The following OCA2 variants were observed in gnomAD, a reference collection of about 807,000 sequenced individuals.
OCA2 encodes the protein OCA2 melanosomal transmembrane protein.
In OCA2, 77 loss-of-function variants were observed where a neutral mutation model predicts 100.2. The observed-to-expected ratio is 0.77, with a 90% CI of 0.64 to 0.93. The LOEUF (loss-of-function observed/expected upper bound fraction) is 0.93. Ranked by LOEUF, OCA2 falls within the 40% of genes least tolerant of loss-of-function variation. OCA2 has a pLI of 0.00. For synonymous variants in OCA2, 432 were observed against 439.2 expected (o/e 0.98, Z 0.21); for missense variants, 1,062 against 1,089.1 (o/e 0.98, Z 0.35).
chr15:28,029,944 G>A (rs889227977), intron 3 of OCA2, among the ~76,000 whole-genome samples: 2 of 152,150 alleles, frequency 1.3e-5, no homozygotes, highest in Admixed American at 6.5e-5. Context: ...GGCCCAGCTC[G>A]GCCTCCCAGG....
rs202105049 is a variant in OCA2 at position 27,845,334 on chromosome 15, C to T, written c.2339-282G>A. Among the ~76,000 whole-genome samples the T allele has an allele frequency of 1.2e-4, 18 of 152,232 alleles. No individual in the cohort carries two copies. The East Asian group carries it at 3.1e-3, about 26-fold the overall frequency. On this transcript the variant is annotated intron_variant, in intron 22 of 23. Transcript: ENST00000354638. ...GGAGAATGGGCAAGTCACTGTGGGG[C>T]TGTGTGTCTTTCAGAGAAAAACACA...
intron 23 of OCA2, among the ~76,000 whole-genome samples, chr15:27,839,116 G>A (rs1203367059): frequency 1.3e-5 from 2 of 152,112 alleles, no homozygotes; most frequent in Non-Finnish European, 2.9e-5. Context: ...TGGTCATTTA[G>A]GCAAGAGGTA....
chr15:27,787,790 CT>C (rs2032888093), intron 23 of OCA2, among the ~76,000 whole-genome samples: 1 of 151,656 alleles, frequency 6.6e-6, no homozygotes, highest in Non-Finnish European at 1.5e-5. Context: ...GTTTGCTCTT[CT>C]TTTTGTACTT....
chr15:28,035,056 A>G (rs76895369), intron 2 of OCA2, among the ~76,000 whole-genome samples: 54 of 152,204 alleles, frequency 3.5e-4, no homozygotes, highest in African/African-American at 1.2e-3. Context: ...GCAGCACCAC[A>G]TCGCACAATG....
chr15:28,022,203 C>CG (rs1048124324), intron 6 of OCA2, among the ~76,000 whole-genome samples: 7 of 151,810 alleles, frequency 4.6e-5, no homozygotes, highest in Admixed American at 1.3e-4. Flanking sequence ...GCAAAAGAGA[C>CG]GGGGGAGGAA....
chr15:28,069,389 T>TCC (rs1566862447), intron 2 of OCA2, among the ~76,000 whole-genome samples: 1 of 5,640 alleles, frequency 1.8e-4, no homozygotes, highest in Admixed American at 1.8e-3. Flanking sequence ...TCCCTCCCCC[T>TCC]CCCCCTCCCC....
chr15:28,083,234 C>G (rs2044708456), intron 1 of OCA2, among the ~76,000 whole-genome samples: 1 of 152,226 alleles, frequency 6.6e-6, no homozygotes, highest in Non-Finnish European at 1.5e-5. Flanking sequence ...CGTGTGATGG[C>G]TACAGCTGAG....
At chr15:27,835,360 C>T (rs549699837) in intron 23 of OCA2, among the ~76,000 whole-genome samples, 33 of 152,322 alleles carry the variant, frequency 2.2e-4, no homozygotes, top group Non-Finnish European at 4.6e-4. Flanking sequence ...TCCCCTGTTT[C>T]TAGGGCCTGT....
intron 19 of OCA2, among the ~76,000 whole-genome samples, chr15:27,881,272 T>C (rs1172440973): frequency 2.0e-5 from 3 of 152,308 alleles, no homozygotes; most frequent in East Asian, 1.9e-4. Flanking sequence ...CTGTATTTTA[T>C]TGAGGATTTT....
chr15:28,046,527 CGCATCAT>C (rs746718435), intron 2 of OCA2, among the ~76,000 whole-genome samples: 4 of 152,132 alleles, frequency 2.6e-5, no homozygotes, highest in Non-Finnish European at 4.4e-5. Context: ...GAGCCCCAGT[CGCATCAT>C]GCTCCATCTC....
chr15:27,918,350 G>A (rs901701359), intron 19 of OCA2, among the ~76,000 whole-genome samples: 1 of 152,040 alleles, frequency 6.6e-6, no homozygotes, highest in Non-Finnish European at 1.5e-5. Flanking sequence ...GATTACAGGC[G>A]AGAGCCACTG....
intron 18 of OCA2, among the ~76,000 whole-genome samples, chr15:27,937,892 G>C (rs969067339): frequency 6.6e-6 from 1 of 152,086 alleles, no homozygotes; most frequent in Non-Finnish European, 1.5e-5. Context: ...AGTACACTTT[G>C]AGACATAAGT....
At chr15:27,763,600 C>T (rs900934245) in intron 23 of OCA2, among the ~76,000 whole-genome samples, 38 of 152,336 alleles carry the variant, frequency 2.5e-4, no homozygotes, top group African/African-American at 6.0e-4. Flanking sequence ...TGAGTGGTTG[C>T]GATGCCGGTG....
chr15:27,752,412 T>C (rs2030095455), downstream of OCA2, among the ~76,000 whole-genome samples: 1 of 152,192 alleles, frequency 6.6e-6, no homozygotes, highest in Non-Finnish European at 1.5e-5. Context: ...GTAGACAGCG[T>C]CAGGAGGGAG....
intron 19 of OCA2, among the ~76,000 whole-genome samples, chr15:27,906,282 A>T (rs1204096448): frequency 6.6e-6 from 1 of 152,226 alleles, no homozygotes; most frequent in Non-Finnish European, 1.5e-5. Flanking sequence ...AAAATATCAC[A>T]TGTCCCCCAT....
At chr15:27,807,648 G>A (rs1818463812) in intron 23 of OCA2, among the ~76,000 whole-genome samples, 1 of 152,120 alleles carries the variant, frequency 6.6e-6, no homozygotes, top group Non-Finnish European at 1.5e-5. Context: ...AGGTTGCACA[G>A]CTGTGGATTT....
chr15:27,993,463 C>A (rs2041621903), intron 9 of OCA2, among the ~76,000 whole-genome samples: 2 of 152,192 alleles, frequency 1.3e-5, no homozygotes, highest in African/African-American at 4.8e-5. Flanking sequence ...AATCAGAAAA[C>A]TGCACTACAT....
intron 14 of OCA2, among the ~76,000 whole-genome samples, chr15:27,967,659 C>T (rs981439606): frequency 1.3e-5 from 2 of 152,244 alleles, no homozygotes; most frequent in African/African-American, 4.8e-5. Context: ...GCTGGGATCG[C>T]TTAGAGCATG....
At chr15:27,833,336 C>A (rs1370204114) in intron 23 of OCA2, among the ~76,000 whole-genome samples, 2 of 152,206 alleles carry the variant, frequency 1.3e-5, no homozygotes, top group Non-Finnish European at 2.9e-5. Context: ...ACATTTGGGT[C>A]ATCCATAAAT....
Sources: allele counts gnomAD v4.1 joint callset (sites outside exome capture counted in the v4.1 genomes callset), GRCh38; gene constraint gnomAD v4.1.1; transcripts MANE v1.5; gene names NCBI Gene and HGNC (gene_info 2026-07-23, HGNC 2026-07-21).